Variants in GDI2 observed in about 807,000 individuals in gnomAD.
The protein encoded by GDI2 is GDP dissociation inhibitor 2, also known as rab GDP dissociation inhibitor beta.
Under a neutral mutation model 54.2 loss-of-function variants are expected in GDI2, and 22 were observed. The ratio of observed to expected loss-of-function variants is 0.41; its 90% CI spans 0.29 to 0.58. The LOEUF (loss-of-function observed/expected upper bound fraction) is 0.58. Among genes scored for constraint, GDI2 ranks in the 20% least tolerant of loss-of-function variants. The probability of loss-of-function intolerance (pLI) is 0.35; values close to 1 mark genes in which losing one functional copy is unlikely to be tolerated. For synonymous variants in GDI2, 177 were observed against 182.1 expected (o/e 0.97, Z 0.23); for missense variants, 422 against 546.0 (o/e 0.77, Z 2.26).
At position 5,785,261 on chromosome 10, in the gene GDI2, T is replaced by C. The variant is rs1444346776; in HGVS notation, c.600A>G (p.Gln200=). The change falls in exon 6 of 11, where the codon CAA becomes CAG. Residue 200 remains glutamine (Q), a synonymous_variant. Transcript: ENST00000380191. Reference sequence around the variant, plus strand: ...TTCTATTAATGGTTTCATAACACGGTTGATCTAAGTAACTGGAAGAAAGGA... The same window carrying C: ...TTCTATTAATGGTTTCATAACACGGCTGATCTAAGTAACTGGAAGAAAGGA... The part of the protein sequence containing the change: ...ALYRTDDYLD[Q]PCYETINRIK... 6.3e-7 allele frequency: 1 copy of C among 1,596,416 alleles called. No individual in the cohort carries two copies. Among genetic ancestry groups the C allele is most frequent in the Non-Finnish European group, 8.6e-7 (1 of 1,166,034 alleles).
chr10:5,783,459 G>A (rs1255854255), intron 6 of GDI2, among the ~76,000 whole-genome samples: 1 of 152,104 alleles, frequency 6.6e-6, no homozygotes, highest in Non-Finnish European at 1.5e-5. Context: ...CATTAGTATT[G>A]AGATTTGAGG....
Position 5,776,262 on chromosome 10 carries a change from G to A in GDI2, c.720-2321C>T, listed in dbSNP as rs1840617015. 10 of 499,258 alleles carry A rather than the reference G, an allele frequency of 2.0e-5. 1 individual carries two copies. Among genetic ancestry groups the A allele is most frequent in the Middle Eastern group, 6.3e-4 (1 of 1,592 alleles). The allele number at this position is 499,258 out of a possible 1,614,324, so 30.9% of individuals were successfully genotyped here. A position where few individuals can be genotyped will look rare whatever the true frequency, so the allele number is the denominator to read the frequency against. ...CAGCGCCTCCTCATCCAAGACAGGT[G>A]GAAAAGGGCCCAGCGTGAAAAGACT... On this transcript the variant is annotated intron_variant, in intron 6 of 10. Coordinates refer to ENST00000380191, the MANE Select transcript of GDI2 (RefSeq NM_001494.4). This position sits in a 1 kb window ranked among gnomAD's most constrained non-coding sequence, Gnocchi z 5.3.
chr10:5,785,219 T>C lies in GDI2; in HGVS notation c.642A>G (p.Glu214=). 6.2e-7 allele frequency: 1 copy of C among 1,607,150 alleles called. No homozygotes were observed. The highest frequency in any genetic ancestry group is 1.7e-5 in the Admixed American group (1 of 59,966). The part of the protein sequence containing the change: ...ETINRIKLYS[E]SLARYGKSPY... Reference sequence around the variant, plus strand: ...GGCTTTTGCCATATCTTGCCAAAGATTCACTGTAAAGTTTAATTCTATTAA... The same window carrying C: ...GGCTTTTGCCATATCTTGCCAAAGACTCACTGTAAAGTTTAATTCTATTAA... The change falls in exon 6 of 11, where the codon GAA becomes GAG. Residue 214 remains glutamate (E), a synonymous_variant. Coordinates refer to ENST00000380191, the MANE Select transcript of GDI2 (RefSeq NM_001494.4).
chr10:5,796,157 C>G (rs1841142874), intron 3 of GDI2, among the ~76,000 whole-genome samples: 1 of 151,886 alleles, frequency 6.6e-6, no homozygotes, highest in African/African-American at 2.4e-5. Context: ...CAAGACCAGC[C>G]TGGCCAACAT....
At chr10:5,797,119 A>G (rs1841163334) in intron 2 of GDI2, among the ~76,000 whole-genome samples, 1 of 152,212 alleles carries the variant, frequency 6.6e-6, no homozygotes, top group Non-Finnish European at 1.5e-5. Context: ...AAGAAAGAAT[A>G]TAAAACAAGG....
chr10:5,784,851 CTG>C (rs991183575), intron 6 of GDI2, among the ~76,000 whole-genome samples: 4 of 152,180 alleles, frequency 2.6e-5, no homozygotes, highest in Non-Finnish European at 5.9e-5. Context: ...GAAGTAGATT[CTG>C]TGAAGGTCCT....
At position 5,768,403 on chromosome 10, in the gene GDI2, G is replaced by A. The variant is rs1840408524; in HGVS notation, c.820-19C>T. 2.0e-6 allele frequency: 3 copies of A among 1,519,752 alleles called. No homozygotes were observed. The highest frequency in any genetic ancestry group is 1.4e-5 in the African/African-American group (1 of 73,090). The allele number at this position is 1,519,752 out of a possible 1,614,324, so 94.1% of individuals were successfully genotyped here. A position where few individuals can be genotyped will look rare whatever the true frequency, so the allele number is the denominator to read the frequency against. On this transcript the variant is annotated intron_variant, in intron 7 of 10. Coordinates refer to ENST00000380191, the MANE Select transcript of GDI2 (RefSeq NM_001494.4). The surrounding 1 kb of genome is among the most constrained non-coding windows in gnomAD (Gnocchi z 4.4). ...GAGCAATCTATAACAAAGCATTTAAGAAGACACTGAAGCGGACAAGGATAT... is the reference window on the plus strand; with the variant it reads ...GAGCAATCTATAACAAAGCATTTAAAAAGACACTGAAGCGGACAAGGATAT...
intron 7 of GDI2, among the ~76,000 whole-genome samples, chr10:5,770,664 TG>T (rs1840466893): frequency 6.6e-6 from 1 of 151,992 alleles, no homozygotes; most frequent in Non-Finnish European, 1.5e-5. Context: ...CACTTAACAA[TG>T]GTTAAGATGG....
At chr10:5,794,799 G>C in intron 4 of GDI2, 86 bp downstream of exon 4, 1 of 873,098 alleles carries the variant, frequency 1.1e-6, no homozygotes, top group Non-Finnish European at 1.9e-6. Flanking sequence ...TTGTTGACTG[G>C]GTCCTCTCTA....
In GDI2 at chr10:5,768,230, T is replaced by A. The variant is rs369582201; in HGVS notation, c.974A>T (p.Gln325Leu). 2 of 1,613,182 alleles carry A rather than the reference T, an allele frequency of 1.2e-6. No individual in the cohort carries two copies. Among genetic ancestry groups the A allele is most frequent in the Non-Finnish European group, 1.7e-6 (2 of 1,179,134 alleles). Residue 325 changes from glutamine to leucine, a missense_variant, in exon 8 of 11, where the codon CAA (glutamine) becomes CTA (leucine). By Grantham distance (113) the Gln-to-Leu change is moderately radical. Coordinates refer to ENST00000380191, the MANE Select transcript of GDI2 (RefSeq NM_001494.4). This position sits in a 1 kb window ranked among gnomAD's most constrained non-coding sequence, Gnocchi z 4.4. ...AACCTCACCTGACTTTCGATTGACT[T>A]GGTTCTGTGGAATAATGATCTGGCA... ...NSCQIIIPQN[Q>L]VNRKSDIYVC...
At chr10:5,767,142 T>A (rs748594036) in intron 8 of GDI2, among the ~76,000 whole-genome samples, 2 of 151,962 alleles carry the variant, frequency 1.3e-5, no homozygotes, top group Non-Finnish European at 2.9e-5. Flanking sequence ...TCCAGTTAAC[T>A]GTGTCATTTC....
chr10:5,796,929 A>AT (rs1404552614), intron 2 of GDI2, 67 bp from the exon 3 acceptor site: 1 of 744,264 alleles, frequency 1.3e-6, no homozygotes, highest in Non-Finnish European at 2.3e-6. Flanking sequence ...ATATGTACAT[A>AT]TTTTTTATTA....
In GDI2 at chr10:5,794,963, CTTTAAAATCCAGATAGCGAGT is replaced by C; in HGVS notation, c.289_309del (p.Thr97_Lys103del). On this transcript the variant is annotated inframe_deletion, in exon 4 of 11. Transcript: ENST00000380191. ...TTATAGACAAAGCTCCCTTCAGTCA[CTTTAAAATCCAGATAGCGAGT>C]TACCTCTGTATAAAGCAGCATCTTA... is the stretch of plus-strand genomic sequence containing the variant. The C allele has an allele frequency of 6.3e-7, 1 of 1,597,888 alleles. No homozygotes were observed. Among genetic ancestry groups the C allele is most frequent in the Non-Finnish European group, 8.6e-7 (1 of 1,165,254 alleles).
intron 5 of GDI2, 65 bp from the exon 6 acceptor site, chr10:5,785,338 AT>A (rs146242680): frequency 1.3e-4 from 164 of 1,230,872 alleles, no homozygotes; most frequent in African/African-American, 9.7e-4. Flanking sequence ...TCAATTTATA[AT>A]TTTTTTTGAA....
chr10:5,804,228 G>C (rs1450500949), intron 1 of GDI2, among the ~76,000 whole-genome samples: 1 of 151,924 alleles, frequency 6.6e-6, no homozygotes, highest in Non-Finnish European at 1.5e-5. Flanking sequence ...TAAATAGCTG[G>C]GATTACAGGC....
intron 5 of GDI2, 124 bp from the exon 6 acceptor site, chr10:5,785,397 C>A (rs891838862): frequency 2.8e-6 from 2 of 716,344 alleles, no homozygotes; most frequent in Non-Finnish European, 4.7e-6. Context: ...TTTTTTGAGA[C>A]AGGGTCTCAC....
At chr10:5,779,683 A>G (rs1260935565) in intron 6 of GDI2, among the ~76,000 whole-genome samples, 1 of 150,414 alleles carries the variant, frequency 6.6e-6, no homozygotes, top group Non-Finnish European at 1.5e-5. Context: ...GGGAAAAAAA[A>G]AAGTTTGATG....
At chr10:5,767,318 G>GCT (rs58438209) in intron 8 of GDI2, among the ~76,000 whole-genome samples, 174 of 150,918 alleles carry the variant, frequency 1.2e-3, no homozygotes, top group African/African-American at 4.1e-3. Context: ...TTTGTGATTG[G>GCT]TTTTTTTTTG....
chr10:5,781,087 A>C (rs1840743838), intron 6 of GDI2, among the ~76,000 whole-genome samples: 1 of 152,074 alleles, frequency 6.6e-6, no homozygotes, highest in Non-Finnish European at 1.5e-5. Flanking sequence ...ATATGTAGCC[A>C]ACTGATCTCC....
Sources: allele counts gnomAD v4.1 joint callset (sites outside exome capture counted in the v4.1 genomes callset), GRCh38; gene constraint gnomAD v4.1.1; non-coding constraint Gnocchi (gnomAD v3.1); transcripts MANE v1.5; gene names NCBI Gene and HGNC (gene_info 2026-07-23, HGNC 2026-07-21).